The following PRKAR2A variants were observed in gnomAD, a reference collection of about 807,000 sequenced individuals.
The protein encoded by PRKAR2A is protein kinase cAMP-dependent type II regulatory subunit alpha.
Under a neutral mutation model 51.9 loss-of-function variants are expected in PRKAR2A, and 29 were observed. That is an observed-to-expected ratio of 0.56 (90% CI 0.42 to 0.76). The LOEUF is 0.76. Among genes scored for constraint, PRKAR2A ranks in the 30% least tolerant of loss-of-function variants. PRKAR2A has a pLI of 0.00. For missense variants in PRKAR2A, 445 were observed against 512.1 expected (o/e 0.87, Z 1.26); for synonymous variants, 178 against 186.2 (o/e 0.96, Z 0.36).
intron 8 of PRKAR2A, among the ~76,000 whole-genome samples, chr3:48,764,075 T>C (rs1257913291): frequency 1.3e-5 from 2 of 152,186 alleles, no homozygotes; most frequent in East Asian, 1.9e-4. Context: ...CTCCTCGTAG[T>C]CTCAGTACTG....
chr3:48,790,649 T>G, intron 3 of PRKAR2A, 22 bp from the exon 4 acceptor site: 1 of 1,380,936 alleles, frequency 7.2e-7, no homozygotes, highest in South Asian at 1.8e-5. Context: ...AATAAAACCA[T>G]GGAAACTGTT....
rs1199096313 is a variant in PRKAR2A, at chr3:48,750,179, C to G, written c.*1406G>C. 1.3e-5 allele frequency: 2 copies of G among 152,070 alleles called. No homozygotes were observed. The highest frequency in any genetic ancestry group is 2.9e-5 in the Non-Finnish European group (2 of 68,056). 9.4% of individuals were successfully genotyped at this position (152,070 alleles called of 1,614,324 possible). On this transcript the variant is annotated 3_prime_UTR_variant, in exon 11 of 11. Coordinates refer to ENST00000265563, the MANE Select transcript of PRKAR2A (RefSeq NM_004157.4). Reference sequence around the variant, plus strand: ...GGGAGTTTGAGACCAGCCTGACCAACACAGAGAAACCCTGTCTCTATTAAA... The same window carrying G: ...GGGAGTTTGAGACCAGCCTGACCAAGACAGAGAAACCCTGTCTCTATTAAA...
chr3:48,823,470 G>T (rs1438534405), intron 1 of PRKAR2A, among the ~76,000 whole-genome samples: 1 of 151,910 alleles, frequency 6.6e-6, no homozygotes, highest in Admixed American at 6.6e-5. Flanking sequence ...GGTCACAGAA[G>T]TCTTCCATGT....
At chr3:48,831,361 A>G (rs968721299) in intron 1 of PRKAR2A, among the ~76,000 whole-genome samples, 4 of 128,174 alleles carry the variant, frequency 3.1e-5, no homozygotes, top group East Asian at 2.4e-4. Flanking sequence ...TTTATCCAAA[A>G]TATCTTTTTT....
At chr3:48,846,779 T>A (rs894890936) in intron 1 of PRKAR2A, among the ~76,000 whole-genome samples, 2 of 152,164 alleles carry the variant, frequency 1.3e-5, no homozygotes, top group African/African-American at 4.8e-5. Flanking sequence ...TGAAATGACC[T>A]GAGAGATTTG....
At chr3:48,838,386 C>A (rs1345351286) in intron 1 of PRKAR2A, among the ~76,000 whole-genome samples, 1 of 151,902 alleles carries the variant, frequency 6.6e-6, no homozygotes, top group South Asian at 2.1e-4. Flanking sequence ...GTGGACAGAT[C>A]ACCTGAGGTT....
intron 1 of PRKAR2A, among the ~76,000 whole-genome samples, chr3:48,834,141 C>T (rs372462216): frequency 6.6e-6 from 1 of 151,992 alleles, no homozygotes; most frequent in African/African-American, 2.4e-5. Flanking sequence ...AGTTTACTGC[C>T]GTCCAGCAGT....
intron 2 of PRKAR2A, among the ~76,000 whole-genome samples, chr3:48,805,782 C>A (rs1234684998): frequency 6.6e-6 from 1 of 152,138 alleles, no homozygotes; most frequent in African/African-American, 2.4e-5. Flanking sequence ...TTTGAAAAAT[C>A]TTTTATTTTC....
intron 1 of PRKAR2A, among the ~76,000 whole-genome samples, chr3:48,826,465 T>C (rs1054512136): frequency 6.6e-6 from 1 of 152,122 alleles, no homozygotes; most frequent in Admixed American, 6.6e-5. Flanking sequence ...GGAATCACCC[T>C]CCCAGCCCAT....
At chr3:48,769,568 C>A (rs1406931124) in intron 6 of PRKAR2A, among the ~76,000 whole-genome samples, 1 of 152,010 alleles carries the variant, frequency 6.6e-6, no homozygotes, top group Non-Finnish European at 1.5e-5. Context: ...CCTCCGTCTC[C>A]CAGGTTCAAG....
chr3:48,763,621 C>CA (rs1386613926), intron 8 of PRKAR2A, among the ~76,000 whole-genome samples: 2 of 152,172 alleles, frequency 1.3e-5, no homozygotes, highest in East Asian at 3.8e-4. Context: ...AAACACAGCT[C>CA]ACACCACTGG....
chr3:48,822,288 G>T (rs971886745), intron 1 of PRKAR2A, among the ~76,000 whole-genome samples: 2 of 151,064 alleles, frequency 1.3e-5, no homozygotes, highest in African/African-American at 4.9e-5. Flanking sequence ...CACACAGCTT[G>T]CATGGGGTAT....
Position 48,751,451 on chromosome 3 carries a change from G to A in PRKAR2A, c.*134C>T, listed in dbSNP as rs1418593608. The stretch of plus-strand genomic sequence containing the variant: ...GTGCTGACTTTCAAGTTTTCTAAAT[G>A]CCCATAACCACAGCAATGGCAGCAG... On this transcript the variant is annotated 3_prime_UTR_variant, in exon 11 of 11. Transcript: ENST00000265563. 1.3e-5 allele frequency: 17 copies of A among 1,311,688 alleles called. No homozygotes were observed. Among genetic ancestry groups the A allele is most frequent in the Non-Finnish European group, 1.8e-5 (17 of 926,020 alleles). The allele number at this position is 1,311,688 out of a possible 1,614,324, so 81.3% of individuals were successfully genotyped here.
In PRKAR2A at chr3:48,746,970, C is replaced by G. The variant is rs1049771647; in HGVS notation, c.*4615G>C. The G allele has an allele frequency of 1.3e-5, 2 of 150,544 alleles. No individual in the cohort carries two copies. The highest frequency in any genetic ancestry group is 6.6e-5 in the Admixed American group (1 of 15,066). 9.3% of individuals were successfully genotyped at this position (150,544 alleles called of 1,614,324 possible). A position where few individuals can be genotyped will look rare whatever the true frequency, so the allele number is the denominator to read the frequency against. ...TGAGCTTAAAAAAACAACACGGAAT[C>G]TACCCTTTGCTCAAGGTGGGCTAAA... On this transcript the variant is annotated 3_prime_UTR_variant, in exon 11 of 11. Transcript: ENST00000265563.
At chr3:48,800,793 C>T (rs2082577387) in intron 2 of PRKAR2A, among the ~76,000 whole-genome samples, 1 of 152,042 alleles carries the variant, frequency 6.6e-6, no homozygotes, top group Admixed American at 6.6e-5. Context: ...CCTGCCTCAG[C>T]CTCCCGAGTA....
chr3:48,798,959 C>T (rs7373778), intron 2 of PRKAR2A, among the ~76,000 whole-genome samples: 2 of 151,998 alleles, frequency 1.3e-5, no homozygotes, highest in African/African-American at 2.4e-5. Flanking sequence ...TCGTGTCCAG[C>T]CTCCCTTTTC....
intron 9 of PRKAR2A, among the ~76,000 whole-genome samples, chr3:48,755,817 C>T (rs1354659602): frequency 6.9e-6 from 1 of 144,052 alleles, no homozygotes; most frequent in Non-Finnish European, 1.5e-5. Context: ...CTCGCTCTGT[C>T]GCCCAGGCTG....
At chr3:48,838,110 G>A (rs376907516) in intron 1 of PRKAR2A, among the ~76,000 whole-genome samples, 5 of 152,006 alleles carry the variant, frequency 3.3e-5, no homozygotes, top group African/African-American at 9.7e-5. Flanking sequence ...CCCAGGAGGC[G>A]GAGCTTGCAG....
At chr3:48,835,370 T>A (rs146574824) in intron 1 of PRKAR2A, among the ~76,000 whole-genome samples, 1 of 151,912 alleles carries the variant, frequency 6.6e-6, no homozygotes, top group African/African-American at 2.4e-5. Flanking sequence ...GGCCGGTTGC[T>A]GTGGCTCACG....
Sources: gnomAD v4.1 joint callset for allele counts (sites outside exome capture counted in the v4.1 genomes callset) on GRCh38, gnomAD v4.1.1 for gene constraint, MANE v1.5 for transcripts, NCBI Gene and HGNC (gene_info 2026-07-23, HGNC 2026-07-21) for gene names.